The following RADX variants were observed in gnomAD, a reference collection of about 807,000 sequenced individuals.
The protein encoded by RADX is RPA1 related single stranded DNA binding protein, X-linked, also known as RPA-related protein RADX.
RADX carries 36 observed loss-of-function variants against 61.6 expected under a neutral mutation model. The observed-to-expected ratio is 0.58, with a 90% CI of 0.45 to 0.77. The LOEUF is 0.77. RADX is among the 30% of genes least tolerant of loss of function. The probability of loss-of-function intolerance (pLI) is 0.00; values close to 1 mark genes in which losing one functional copy is unlikely to be tolerated. For missense variants in RADX, 497 were observed against 651.1 expected, an observed-to-expected ratio of 0.76 and a Z score of 2.58; for synonymous variants, 272 against 237.9, an observed-to-expected ratio of 1.14 and a Z score of -1.32.
In RADX at chrX:106,613,913, A is replaced by G. The variant is rs776646575; in HGVS notation, c.643+1190A>G. On this transcript the variant is annotated intron_variant, in intron 1 of 13. Transcript: ENST00000372548. ...ATGAAAAACTGGTGCCCTACAAGAAAAGTTGAGGGGATTAATACTTTGTAA... is the reference window on the plus strand; with the variant it reads ...ATGAAAAACTGGTGCCCTACAAGAAGAGTTGAGGGGATTAATACTTTGTAA... Among the ~76,000 whole-genome samples the G allele has an allele frequency of 2.7e-5, 3 of 112,003 alleles. No individual in the cohort carries two copies. The South Asian group carries it at 1.1e-3, about 42-fold the overall frequency.
chrX:106,619,362 G>A (rs7056016), intron 1 of RADX, among the ~76,000 whole-genome samples: 18,658 of 110,960 alleles, frequency 0.17, 3,859 homozygotes, highest in African/African-American at 0.58. Context: ...TGTATTTAGG[G>A]TTTTTGCCAT....
chrX:106,664,813 A>G (rs1354251087), intron 12 of RADX, among the ~76,000 whole-genome samples: 3 of 110,668 alleles, frequency 2.7e-5, no homozygotes, highest in East Asian at 5.7e-4. Context: ...TACTCCATTC[A>G]TAAGAGAGAC....
Position 106,632,987 on chromosome X carries a change from GT to G in RADX, c.1149del (p.Phe383LeufsTer2). 1 of 1,209,991 alleles carries G rather than the reference GT, an allele frequency of 8.3e-7. No individual in the cohort carries two copies. Among genetic ancestry groups the G allele is most frequent in the South Asian group, 1.8e-5 (1 of 56,912 alleles). ...NCICDVIGLLVFVGRVQRSKK... is the reference protein window; with the variant it reads ...NCICDVIGLLXFVGRVQRSKK... ...CATCTGTGATGTTATTGGCCTTTTAGTTTTTGTAGGAAGGGTCCAGCGGTCA... is the reference window on the plus strand; with the variant it reads ...CATCTGTGATGTTATTGGCCTTTTAGTTTTGTAGGAAGGGTCCAGCGGTCA... On this transcript the variant is annotated frameshift_variant, in exon 5 of 14. Coordinates refer to ENST00000372548, the MANE Select transcript of RADX (RefSeq NM_018015.6). LOFTEE classifies it high-confidence loss of function.
At chrX:106,637,283 A>G (rs1927382192) in intron 7 of RADX, among the ~76,000 whole-genome samples, 1 of 111,923 alleles carries the variant, frequency 8.9e-6, no homozygotes, top group Admixed American at 9.5e-5. Context: ...GTCAATGCAT[A>G]TCTTATTTTA....
intron 13 of RADX, among the ~76,000 whole-genome samples, chrX:106,671,353 T>G (rs1928356186): frequency 8.9e-6 from 1 of 111,858 alleles, no homozygotes; most frequent in Non-Finnish European, 1.9e-5. Context: ...TTGACCAGTC[T>G]CCTACTGGTA....
At chrX:106,647,969 G>A (rs746484458) in intron 10 of RADX, among the ~76,000 whole-genome samples, 1 of 109,711 alleles carries the variant, frequency 9.1e-6, no homozygotes, top group South Asian at 3.8e-4. Flanking sequence ...CCATTCTGTG[G>A]GTTGTCTCTT....
rs189628913 is a variant in RADX, at chrX:106,613,782, T to C, written c.643+1059T>C. On this transcript the variant is annotated intron_variant, in intron 1 of 13. Transcript: ENST00000372548. Reference sequence around the variant, plus strand: ...AATTTTAAAAAGCAAGATAGCTATTTCAGGGATGAAAAAATGGAGTGATTT... The same window carrying C: ...AATTTTAAAAAGCAAGATAGCTATTCCAGGGATGAAAAAATGGAGTGATTT... Among the ~76,000 whole-genome samples the C allele has an allele frequency of 2.3e-3, 262 of 112,130 alleles. 3 individuals are homozygous for C. Among genetic ancestry groups the C allele is most frequent in the African/African-American group, 8.2e-3 (254 of 30,957 alleles).
rs149960952 is a variant in RADX, at chrX:106,634,768, G to A, written c.1303+1516G>A. Among the ~76,000 whole-genome samples the A allele has an allele frequency of 6.8e-3, 759 of 111,598 alleles. 4 individuals carry two copies. Among genetic ancestry groups the A allele is most frequent in the African/African-American group, 0.023 (720 of 30,738 alleles). On this transcript the variant is annotated intron_variant, in intron 6 of 13. Transcript: ENST00000372548. The stretch of plus-strand genomic sequence containing the variant: ...AAGTAATTGGCAGTGATGACTTCTG[G>A]TGATAATCCTATTGCCTCAATTTAG...
At chrX:106,614,865 G>T (rs1475340161) in intron 1 of RADX, among the ~76,000 whole-genome samples, 1 of 111,023 alleles carries the variant, frequency 9.0e-6, no homozygotes, top group African/African-American at 3.3e-5. Context: ...AAAAAAAAAG[G>T]TTTTAAAAAT....
intron 11 of RADX, among the ~76,000 whole-genome samples, chrX:106,651,718 G>T (rs1163335929): frequency 9.0e-6 from 1 of 110,938 alleles, no homozygotes; most frequent in Non-Finnish European, 1.9e-5. Flanking sequence ...TATACTGCAG[G>T]CTTTGTAAAT....
At chrX:106,645,293 C>G (rs1927628546) in intron 10 of RADX, among the ~76,000 whole-genome samples, 1 of 110,436 alleles carries the variant, frequency 9.1e-6, no homozygotes, top group Admixed American at 9.7e-5. Context: ...TCTTCCACTA[C>G]TTTGGGTTTG....
intron 12 of RADX, among the ~76,000 whole-genome samples, chrX:106,668,837 A>G (rs1928294297): frequency 8.9e-6 from 1 of 112,218 alleles, no homozygotes. Flanking sequence ...CACCTGTCCT[A>G]AATGACCAAG....
At chrX:106,640,150 ATAG>A (rs1927471037) in intron 9 of RADX, among the ~76,000 whole-genome samples, 1 of 110,449 alleles carries the variant, frequency 9.1e-6, no homozygotes, top group Non-Finnish European at 1.9e-5. Flanking sequence ...TATATCTGGC[ATAG>A]TAGTCTTACC....
At chrX:106,613,157 C>T (rs1926721060) in intron 1 of RADX, among the ~76,000 whole-genome samples, 1 of 111,957 alleles carries the variant, frequency 8.9e-6, no homozygotes, top group South Asian at 3.7e-4. Context: ...TAAAAATTTG[C>T]GGGTTTGCAT....
intron 3 of RADX, among the ~76,000 whole-genome samples, chrX:106,630,278 T>C (rs1208169515): frequency 9.1e-6 from 1 of 110,129 alleles, no homozygotes; most frequent in Non-Finnish European, 1.9e-5. Flanking sequence ...TGAGCCGTGA[T>C]TGCACCACTG....
chrX:106,678,591 G>T lies in RADX; in HGVS notation c.*333G>T, dbSNP rs1397586281. 2.4e-5 allele frequency: 3 copies of T among 124,491 alleles called. No individual in the cohort carries two copies. The East Asian group carries it at 7.0e-4, about 29-fold the overall frequency. 10.3% of individuals were successfully genotyped at this position (124,491 alleles called of 1,213,427 possible). ...TTTCATTCTAAAGCCTCAGTATAAG[G>T]CATCCTAACTTACAAGAGTAACTTT... On this transcript the variant is annotated 3_prime_UTR_variant, in exon 14 of 14. Coordinates refer to ENST00000372548, the MANE Select transcript of RADX (RefSeq NM_018015.6).
chrX:106,646,321 G>C (rs991544904), intron 10 of RADX, among the ~76,000 whole-genome samples: 1 of 110,536 alleles, frequency 9.0e-6, no homozygotes, highest in African/African-American at 3.3e-5. Flanking sequence ...GGAATTTTGT[G>C]GGACCAGAGG....
chrX:106,647,039 G>A (rs1603049942), intron 10 of RADX, among the ~76,000 whole-genome samples: 2 of 109,921 alleles, frequency 1.8e-5, no homozygotes, highest in East Asian at 2.9e-4. Context: ...AGTTATTATG[G>A]ACTATAGTCA....
In RADX at chrX:106,631,713, AAAAG is replaced by A. The variant is rs1171870644; in HGVS notation, c.980-905_980-902del. Among the ~76,000 whole-genome samples the A allele has an allele frequency of 5.5e-4, 59 of 107,251 alleles. No homozygotes were observed. In the East Asian group the frequency reaches 0.011, roughly 20 times the overall value. 93.1% of individuals were successfully genotyped at this position (107,251 alleles called of 115,157 possible). On this transcript the variant is annotated intron_variant, in intron 3 of 13. Coordinates refer to ENST00000372548, the MANE Select transcript of RADX (RefSeq NM_018015.6). ...AGTAAGGCCCTGTCAAAAAAAAAAA[AAAAG>A]AAAGAAGGAAAGAAAGAAGGAAGAA...
Sources: gnomAD v4.1 joint callset for allele counts (sites outside exome capture counted in the v4.1 genomes callset) on GRCh38, gnomAD v4.1.1 for gene constraint, MANE v1.5 for transcripts, NCBI Gene and HGNC (gene_info 2026-07-23, HGNC 2026-07-21) for gene names.